Variants in FHOD3 observed in about 807,000 individuals in gnomAD.
FHOD3 encodes the protein formin homology 2 domain containing 3, also known as FH1/FH2 domain-containing protein 3.
In FHOD3, 90 loss-of-function variants were observed where a neutral mutation model predicts 173.0. The observed-to-expected ratio is 0.52, with a 90% CI of 0.44 to 0.62. The LOEUF is 0.62. Ranked by LOEUF, FHOD3 falls within the 20% of genes least tolerant of loss-of-function variation. FHOD3 has a pLI of 0.00. For synonymous variants in FHOD3, 828 were observed against 823.0 expected (o/e 1.01, Z -0.10); for missense variants, 1,945 against 2,034.7 (o/e 0.96, Z 0.85).
intron 24 of FHOD3, among the ~76,000 whole-genome samples, chr18:36,748,389 ACAC>A (rs1204105361): frequency 5.9e-5 from 7 of 119,070 alleles, no homozygotes; most frequent in African/African-American, 2.6e-4. Flanking sequence ...CACAACACAC[ACAC>A]ACACACACAC....
At chr18:36,709,628 TC>T (rs2040063163) in intron 18 of FHOD3, 1 of 525,968 alleles carries the variant, frequency 1.9e-6, no homozygotes, top group African/African-American at 1.9e-5. Flanking sequence ...ATCACATTCA[TC>T]ACCTCCACAC....
intron 21 of FHOD3, among the ~76,000 whole-genome samples, chr18:36,741,496 G>T (rs2041900813): frequency 6.6e-6 from 1 of 152,162 alleles, no homozygotes; most frequent in Admixed American, 6.5e-5. Context: ...TGAGCCAGGT[G>T]CAGTGGCTCA....
At chr18:36,706,920 C>T (rs1220077005) in intron 17 of FHOD3, among the ~76,000 whole-genome samples, 2 of 152,168 alleles carry the variant, frequency 1.3e-5, no homozygotes, top group African/African-American at 2.4e-5. Context: ...ATGACGCTGC[C>T]GCTGCTGAGG....
intron 3 of FHOD3, among the ~76,000 whole-genome samples, chr18:36,472,346 AT>A (rs1484888936): frequency 6.6e-6 from 1 of 152,216 alleles, no homozygotes; most frequent in Non-Finnish European, 1.5e-5. Context: ...GAAAAAACCA[AT>A]TTGTCTAAGA....
intron 3 of FHOD3, among the ~76,000 whole-genome samples, chr18:36,432,603 C>G (rs1025056768): frequency 6.6e-6 from 1 of 152,120 alleles, no homozygotes; most frequent in East Asian, 1.9e-4. Flanking sequence ...CAGTTCTGCC[C>G]ATTCTTCTCA....
chr18:36,722,693 C>G (rs1038646883), intron 19 of FHOD3, among the ~76,000 whole-genome samples: 10 of 152,106 alleles, frequency 6.6e-5, no homozygotes, highest in Non-Finnish European at 1.2e-4. Context: ...CGGCCTCAAA[C>G]TCCTGGGCTC....
At chr18:36,585,250 G>T (rs7244358) in intron 6 of FHOD3, among the ~76,000 whole-genome samples, 45,905 of 152,004 alleles carry the variant, frequency 0.3, 7,323 homozygotes, top group African/African-American at 0.34. Flanking sequence ...CATTATATTC[G>T]ATGAGATTTC....
intron 3 of FHOD3, among the ~76,000 whole-genome samples, chr18:36,398,795 C>T (rs2048670511): frequency 6.6e-6 from 1 of 152,044 alleles, no homozygotes. Flanking sequence ...TTCCATGATG[C>T]AGGTACATTG....
chr18:36,298,715 G>T (rs1400831256), intron 1 of FHOD3, among the ~76,000 whole-genome samples: 1 of 152,110 alleles, frequency 6.6e-6, no homozygotes, highest in African/African-American at 2.4e-5. Context: ...CCCGAAATGA[G>T]TGTCCCCTGG....
Position 36,652,834 on chromosome 18 carries a change from C to A in FHOD3, c.1551C>A (p.Tyr517Ter). Residue 517 changes from tyrosine to a stop codon, truncating the protein, a stop_gained, in exon 12 of 29, where the codon TAC becomes TAA. Coordinates refer to ENST00000590592, the MANE Select transcript of FHOD3 (RefSeq NM_001281740.3). LOFTEE classifies it high-confidence loss of function. ...KVSPTIDKLP[Y>*]VPHSPFHLFS... Reference sequence around the variant, plus strand: ...CACCGACCATAGACAAGCTGCCCTACGTGCCCCACAGCCCCTTCCACCTCT... The same window carrying A: ...CACCGACCATAGACAAGCTGCCCTAAGTGCCCCACAGCCCCTTCCACCTCT... The A allele has an allele frequency of 4.6e-6, 7 of 1,535,994 alleles. No individual in the cohort carries two copies. Among genetic ancestry groups the A allele is most frequent in the Non-Finnish European group, 6.1e-6 (7 of 1,146,734 alleles).
At chr18:36,680,621 G>T (rs933595842) in intron 14 of FHOD3, among the ~76,000 whole-genome samples, 2 of 152,184 alleles carry the variant, frequency 1.3e-5, no homozygotes, top group Non-Finnish European at 2.9e-5. Flanking sequence ...TACTCACCCT[G>T]TGGTTTCTCT....
chr18:36,616,316 T>C (rs1663811662), intron 9 of FHOD3, among the ~76,000 whole-genome samples: 1 of 152,198 alleles, frequency 6.6e-6, no homozygotes, highest in Non-Finnish European at 1.5e-5. Context: ...GGTCACTGTA[T>C]ATTCAGAGGC....
At chr18:36,487,870 G>T (rs2054268562) in intron 3 of FHOD3, among the ~76,000 whole-genome samples, 1 of 151,908 alleles carries the variant, frequency 6.6e-6, no homozygotes, top group Admixed American at 6.6e-5. Flanking sequence ...AGTGTCAGGA[G>T]GCCACGGAGG....
intron 10 of FHOD3, among the ~76,000 whole-genome samples, chr18:36,630,159 A>T (rs1220088260): frequency 6.6e-6 from 1 of 152,152 alleles, no homozygotes; most frequent in African/African-American, 2.4e-5. Context: ...CTGTGCACCT[A>T]CCTTAAATAT....
At position 36,687,663 on chromosome 18, in the gene FHOD3, C is replaced by T. The variant is rs146913504; in HGVS notation, c.2021+485C>T. 5.0e-4 allele frequency among the ~76,000 whole-genome samples: 76 copies of T among 152,274 alleles called. No homozygotes were observed. The East Asian group carries it at 0.013, about 26-fold the overall frequency. On this transcript the variant is annotated intron_variant, in intron 16 of 28. Transcript: ENST00000590592. The stretch of plus-strand genomic sequence containing the variant: ...CAGCTCCTCGATGGCAGGAACAATG[C>T]CTAGATTTCCTTTATTTCCCCAGTA...
At chr18:36,301,626 C>T (rs1482214132) in intron 1 of FHOD3, among the ~76,000 whole-genome samples, 2 of 152,086 alleles carry the variant, frequency 1.3e-5, no homozygotes, top group South Asian at 2.1e-4. Flanking sequence ...TTATTTCTGG[C>T]TTAATATTTT....
chr18:36,421,823 G>A (rs1481828075), intron 3 of FHOD3, among the ~76,000 whole-genome samples: 1 of 152,174 alleles, frequency 6.6e-6, no homozygotes, highest in Admixed American at 6.5e-5. Context: ...CCCCTGTGTG[G>A]ATAGGCAGTC....
At chr18:36,609,593 G>A (rs879784553) in intron 8 of FHOD3, among the ~76,000 whole-genome samples, 2 of 150,296 alleles carry the variant, frequency 1.3e-5, no homozygotes, top group Non-Finnish European at 3.0e-5. Context: ...AGAGTTTCCC[G>A]AGTCTTTTTA....
chr18:36,633,254 T>C (rs1456482207), intron 10 of FHOD3, among the ~76,000 whole-genome samples: 2 of 152,344 alleles, frequency 1.3e-5, no homozygotes, highest in African/African-American at 2.4e-5. Flanking sequence ...TCAGATCTTA[T>C]TGGGAAGCTG....
Sources: gnomAD v4.1 joint callset for allele counts (sites outside exome capture counted in the v4.1 genomes callset) on GRCh38, gnomAD v4.1.1 for gene constraint, MANE v1.5 for transcripts, NCBI Gene and HGNC (gene_info 2026-07-23, HGNC 2026-07-21) for gene names.